The following HDX variants were observed in gnomAD, a reference collection of about 807,000 sequenced individuals.
The protein encoded by HDX is highly divergent homeobox.
Under a neutral mutation model 45.2 loss-of-function variants are expected in HDX, and 19 were observed. The ratio of observed to expected loss-of-function variants is 0.42; its 90% CI spans 0.29 to 0.62. The LOEUF is 0.62. HDX is among the 20% of genes least tolerant of loss of function. The pLI is 0.20. For missense variants in HDX, 532 were observed against 493.9 expected, an observed-to-expected ratio of 1.08 and a Z score of -0.73; for synonymous variants, 188 against 172.8, an observed-to-expected ratio of 1.09 and a Z score of -0.69.
rs1193204752 is a variant in HDX at position 84,502,326 on chromosome X, A to C, written c.-110+16T>G. On this transcript the variant is annotated intron_variant, in intron 1 of 10. Transcript: ENST00000373177. ...CCTCCTTCGCCCTTCTCACCCACTT[A>C]GTGTTGAGTGCTTACCTCGGGTGTG... is the stretch of plus-strand genomic sequence containing the variant. 1 of 109,536 alleles carries C rather than the reference A, an allele frequency of 9.1e-6. No homozygotes were observed. The highest frequency in any genetic ancestry group is 3.3e-5 in the African/African-American group (1 of 29,879). 9.0% of individuals were successfully genotyped at this position (109,536 alleles called of 1,213,427 possible). A position where few individuals can be genotyped will look rare whatever the true frequency, so the allele number is the denominator to read the frequency against.
chrX:84,479,945 C>G (rs184589490), intron 2 of HDX, among the ~76,000 whole-genome samples: 8 of 111,240 alleles, frequency 7.2e-5, no homozygotes, highest in Non-Finnish European at 1.3e-4. Flanking sequence ...ATTCTGGATA[C>G]AAACCCTTCA....
At chrX:84,461,245 G>A (rs1293626044) in intron 4 of HDX, among the ~76,000 whole-genome samples, 1 of 111,463 alleles carries the variant, frequency 9.0e-6, no homozygotes, top group Non-Finnish European at 1.9e-5. Flanking sequence ...CAAAGCTGGA[G>A]GAATCACATT....
chrX:84,453,778 C>T (rs1193173430), intron 4 of HDX, among the ~76,000 whole-genome samples: 1 of 111,770 alleles, frequency 8.9e-6, no homozygotes, highest in Admixed American at 9.5e-5. Context: ...TGTCCCCCAA[C>T]CCTAGATAGT....
At chrX:84,408,987 T>C (rs1257019549) in intron 5 of HDX, among the ~76,000 whole-genome samples, 2 of 110,969 alleles carry the variant, frequency 1.8e-5, no homozygotes, top group African/African-American at 6.6e-5. Flanking sequence ...GTTTTCTATG[T>C]ATATCCAGAA....
chrX:84,361,970 C>G (rs1369427094), intron 5 of HDX, among the ~76,000 whole-genome samples: 4 of 111,558 alleles, frequency 3.6e-5, no homozygotes, highest in Non-Finnish European at 7.5e-5. Flanking sequence ...TTAATGTATA[C>G]TCTTTTAAAC....
At chrX:84,388,392 T>C (rs1360315114) in intron 5 of HDX, among the ~76,000 whole-genome samples, 2 of 111,883 alleles carry the variant, frequency 1.8e-5, no homozygotes, top group Non-Finnish European at 3.8e-5. Flanking sequence ...TGTCCTCCAA[T>C]ATATTTTTAA....
intron 5 of HDX, among the ~76,000 whole-genome samples, chrX:84,424,336 A>G: frequency 9.0e-6 from 1 of 111,343 alleles, no homozygotes; most frequent in African/African-American, 3.3e-5. Flanking sequence ...AATGAAAAAA[A>G]TACTCCATGT....
At chrX:84,496,760 T>G (rs183495743) in intron 1 of HDX, among the ~76,000 whole-genome samples, 1 of 112,054 alleles carries the variant, frequency 8.9e-6, no homozygotes, top group East Asian at 2.8e-4. Context: ...ACTTTTGTCT[T>G]AGAATAATGA....
intron 4 of HDX, among the ~76,000 whole-genome samples, chrX:84,452,605 T>G (rs2040025908): frequency 9.6e-6 from 1 of 104,433 alleles, no homozygotes; most frequent in Non-Finnish European, 2.0e-5. Context: ...CAAGGACAAA[T>G]AGCATGGTAC....
intron 5 of HDX, among the ~76,000 whole-genome samples, chrX:84,396,699 GGTCC>G (rs1213839216): frequency 1.8e-5 from 2 of 111,744 alleles, no homozygotes; most frequent in Non-Finnish European, 3.8e-5. Flanking sequence ...CCAGTCTCCA[GGTCC>G]TCAGGTAGTG....
chrX:84,374,362 C>T (rs1335226892), intron 5 of HDX, among the ~76,000 whole-genome samples: 1 of 109,412 alleles, frequency 9.1e-6, no homozygotes, highest in Non-Finnish European at 1.9e-5. Flanking sequence ...TCAATGCCAT[C>T]CCCATCAAGC....
chrX:84,392,055 A>G (rs1206058434), intron 5 of HDX, among the ~76,000 whole-genome samples: 1 of 111,697 alleles, frequency 9.0e-6, no homozygotes. Context: ...TCCTTCCAGT[A>G]GTATTATAGA....
chrX:84,485,799 T>C (rs1266106783), intron 2 of HDX, among the ~76,000 whole-genome samples: 1 of 112,222 alleles, frequency 8.9e-6, no homozygotes, highest in Non-Finnish European at 1.9e-5. Flanking sequence ...TTTAGTTATG[T>C]AATGCTGCTC....
chrX:84,398,150 A>G (rs186076446), intron 5 of HDX, among the ~76,000 whole-genome samples: 2 of 110,925 alleles, frequency 1.8e-5, no homozygotes, highest in African/African-American at 6.6e-5. Context: ...CAATGACACT[A>G]TGAAGAAACT....
chrX:84,415,053 T>C (rs2039072051), intron 5 of HDX, among the ~76,000 whole-genome samples: 1 of 112,304 alleles, frequency 8.9e-6, no homozygotes, highest in African/African-American at 3.2e-5. Context: ...AAATTTCTAA[T>C]TCATACAAGC....
At chrX:84,451,370 A>T (rs1275659057) in intron 4 of HDX, among the ~76,000 whole-genome samples, 1 of 111,228 alleles carries the variant, frequency 9.0e-6, no homozygotes, top group African/African-American at 3.2e-5. Context: ...AATACAAAAG[A>T]TCATCAGAGA....
chrX:84,431,437 A>G (rs1344904662), intron 5 of HDX, among the ~76,000 whole-genome samples: 1 of 111,326 alleles, frequency 9.0e-6, no homozygotes, highest in Non-Finnish European at 1.9e-5. Context: ...AGTGCTTTCC[A>G]CAATGGCTGC....
At chrX:84,464,548 C>G (rs139113020) in intron 4 of HDX, among the ~76,000 whole-genome samples, 1,485 of 111,613 alleles carry the variant, frequency 0.013, 36 homozygotes, top group African/African-American at 0.047. Context: ...TAATCTTTGA[C>G]AAACTTGACA....
chrX:84,357,349 T>C (rs1429252412), intron 6 of HDX, among the ~76,000 whole-genome samples: 1 of 111,300 alleles, frequency 9.0e-6, no homozygotes, highest in Non-Finnish European at 1.9e-5. Context: ...TAAAGATAAA[T>C]TAGTAGTGAG....
Sources: allele counts gnomAD v4.1 joint callset (sites outside exome capture counted in the v4.1 genomes callset), GRCh38; gene constraint gnomAD v4.1.1; transcripts MANE v1.5; gene names NCBI Gene and HGNC (gene_info 2026-07-23, HGNC 2026-07-21).